TNRC18: variants seen among roughly 807,000 people sequenced by gnomAD.
The protein encoded by TNRC18 is trinucleotide repeat containing 18, also known as trinucleotide repeat-containing gene 18 protein.
TNRC18 carries 69 observed loss-of-function variants against 226.7 expected under a neutral mutation model. That is an observed-to-expected ratio of 0.30 (90% CI 0.25 to 0.37). TNRC18 has a LOEUF of 0.37. Among genes scored for constraint, TNRC18 ranks in the 10% least tolerant of loss-of-function variants. The pLI, the probability that TNRC18 is intolerant of heterozygous loss-of-function variation, is 1.00. For missense variants in TNRC18, 4,754 were observed against 4,256.6 expected (o/e 1.12, Z -3.25); for synonymous variants, 2,449 against 1,927.6 (o/e 1.27, Z -7.09).
intron 17 of TNRC18, among the ~76,000 whole-genome samples, chr7:5,347,742 G>A (rs1457382049): frequency 6.6e-6 from 1 of 151,862 alleles, no homozygotes; most frequent in African/African-American, 2.4e-5. Flanking sequence ...GGATCATGAT[G>A]TCAGGAGTTC....
chr7:5,399,110 G>GC (rs1339088943), intron 2 of TNRC18, among the ~76,000 whole-genome samples: 1 of 151,958 alleles, frequency 6.6e-6, no homozygotes, highest in African/African-American at 2.4e-5. Context: ...CCCCCACAGT[G>GC]CCCCCCTGCC....
At chr7:5,334,701 G>C (rs1175125565) in intron 18 of TNRC18, among the ~76,000 whole-genome samples, 3 of 152,168 alleles carry the variant, frequency 2.0e-5, no homozygotes, top group Non-Finnish European at 4.4e-5. Flanking sequence ...GGGTATGACA[G>C]AATGAGGTAC....
At chr7:5,352,268 A>G (rs1262982146) in intron 16 of TNRC18, among the ~76,000 whole-genome samples, 174 bp from the exon 17 acceptor site, 2 of 152,206 alleles carry the variant, frequency 1.3e-5, no homozygotes, top group African/African-American at 4.8e-5. Context: ...CTCCCCTCCC[A>G]GTCCAGGCTT....
intron 5 of TNRC18, 128 bp downstream of exon 5, chr7:5,387,544 A>C: frequency 7.5e-7 from 1 of 1,340,432 alleles, no homozygotes; most frequent in South Asian, 1.3e-5. Flanking sequence ...AACATTCAAG[A>C]CCATTTTAAA....
intron 2 of TNRC18, among the ~76,000 whole-genome samples, chr7:5,401,156 TG>T (rs1461176141): frequency 2.1e-5 from 3 of 145,816 alleles, no homozygotes; most frequent in African/African-American, 7.7e-5. Flanking sequence ...ATCTTCCCTC[TG>T]CAACAGTAGT....
Position 5,365,704 on chromosome 7 carries a change from G to A in TNRC18, c.4220-2879C>T, listed in dbSNP as rs192806396. Among the ~76,000 whole-genome samples, 357 of 151,624 alleles carry A rather than the reference G, an allele frequency of 2.4e-3. 1 individual carries two copies. The highest frequency in any genetic ancestry group is 4.1e-3 in the Non-Finnish European group (278 of 67,856). On this transcript the variant is annotated intron_variant, in intron 11 of 29. Transcript: ENST00000430969. ...CCTGGGCACAAGCAGTCCTTCTGCC[G>A]CAGCCTCCCAAAGTACTGGGATTGC...
rs369926650 is a variant in TNRC18, at chr7:5,317,905, T to C, written c.6746-1833A>G. 3.7e-3 allele frequency among the ~76,000 whole-genome samples: 559 copies of C among 152,070 alleles called. 4 individuals carry two copies. Among genetic ancestry groups the C allele is most frequent in the African/African-American group, 0.013 (520 of 41,458 alleles). On this transcript the variant is annotated intron_variant, in intron 24 of 29. Transcript: ENST00000430969. ...TTTTTTTTGAGACAGAGTCTCACTATGTTACCCAGGCTAGAGTGCAGCGGT... is the reference window on the plus strand; with the variant it reads ...TTTTTTTTGAGACAGAGTCTCACTACGTTACCCAGGCTAGAGTGCAGCGGT...
chr7:5,422,512 C>G (rs1292540598), intron 1 of TNRC18, among the ~76,000 whole-genome samples: 1 of 152,196 alleles, frequency 6.6e-6, no homozygotes, highest in African/African-American at 2.4e-5. Flanking sequence ...GGAGCCCACC[C>G]TTCCCTCGAT....
In TNRC18 at chr7:5,389,195, G is replaced by T; in HGVS notation, c.629C>A (p.Ala210Glu). The T allele has an allele frequency of 7.5e-7, 1 of 1,327,140 alleles. No homozygotes were observed. Among genetic ancestry groups the T allele is most frequent in the East Asian group, 3.5e-5 (1 of 28,618 alleles). 82.2% of individuals were successfully genotyped at this position (1,327,140 alleles called of 1,614,324 possible). A position where few individuals can be genotyped will look rare whatever the true frequency, so the allele number is the denominator to read the frequency against. Residue 210 changes from alanine to glutamate, a missense_variant, in exon 5 of 30, where the codon GCG (alanine) becomes GAG (glutamate). Coordinates refer to ENST00000430969, the MANE Select transcript of TNRC18 (RefSeq NM_001080495.3). The part of the protein sequence containing the change: ...SSRDGPAKER[A>E]GRGGEPPPLF... ...CGGAGGCGGCTCCCCGCCGCGGCCC[G>T]CCCGCTCCTTGGCTGGACCGTCCCG...
chr7:5,345,517 G>GTCCCCCCC lies in TNRC18; in HGVS notation c.5719+44_5719+45insGGGGGGGA. ...CCTGTGGGATGGGGCAATGGCGTCC[G>GTCCCCCCC]CCCCTCCCACCCACCCCCACCGCAG... On this transcript the variant is annotated intron_variant, in intron 18 of 29. Transcript: ENST00000430969. 13 of 377,744 alleles carry GTCCCCCCC rather than the reference G, an allele frequency of 3.4e-5. 1 individual carries two copies. The highest frequency in any genetic ancestry group is 1.3e-4 in the South Asian group (3 of 22,822). 23.4% of individuals were successfully genotyped at this position (377,744 alleles called of 1,614,324 possible). A position where few individuals can be genotyped will look rare whatever the true frequency, so the allele number is the denominator to read the frequency against.
intron 2 of TNRC18, among the ~76,000 whole-genome samples, chr7:5,403,627 C>CA (rs1781261861): frequency 6.6e-6 from 1 of 151,624 alleles, no homozygotes; most frequent in Admixed American, 6.6e-5. Flanking sequence ...CCCATCTATA[C>CA]AAAAAAATTA....
At chr7:5,370,330 C>A in intron 11 of TNRC18, 45 bp downstream of exon 11, 1 of 1,506,606 alleles carries the variant, frequency 6.6e-7, no homozygotes. Flanking sequence ...CACCACAAAA[C>A]TAAAACTCAC....
rs566505645 is a variant in TNRC18, at chr7:5,388,273, G to A, written c.1551C>T (p.Asn517=). The A allele has an allele frequency of 1.2e-6, 2 of 1,609,234 alleles. No individual in the cohort carries two copies. Among genetic ancestry groups the A allele is most frequent in the South Asian group, 1.1e-5 (1 of 90,734 alleles). ...EHKWKPFELG[N]FAATQMAVLA... ...GCACGGCCATCTGCGTGGCGGCGAA[G>A]TTGCCCAGCTCGAAGGGTTTCCATT... is the stretch of plus-strand genomic sequence containing the variant. Residue 517 remains asparagine, a synonymous_variant, in exon 5 of 30, where the codon AAC becomes AAT. Transcript: ENST00000430969.
At position 5,362,707 on chromosome 7, in the gene TNRC18, G is replaced by A. The variant is rs1307093429; in HGVS notation, c.4338C>T (p.Leu1446=). 1 of 1,582,776 alleles carries A rather than the reference G, an allele frequency of 6.3e-7. No individual in the cohort carries two copies. Among genetic ancestry groups the A allele is most frequent in the East Asian group, 2.3e-5 (1 of 43,274 alleles). Residue 1446 remains leucine (L), a synonymous_variant, in exon 12 of 30, where the codon CTC becomes CTT. Coordinates refer to ENST00000430969, the MANE Select transcript of TNRC18 (RefSeq NM_001080495.3). ...PVVDPLKNLR[L]PRELKPNKKY... ...TCTTGTTGGGCTTCAGCTCCCGCGG[G>A]AGCCGCAGGTTCTTGAGTGGGTCCA...
intron 21 of TNRC18, among the ~76,000 whole-genome samples, chr7:5,323,598 C>G (rs1279074223): frequency 8.5e-6 from 1 of 116,986 alleles, no homozygotes. Flanking sequence ...CAGTTTTGCT[C>G]TTTGCCCAGG....
At chr7:5,387,192 A>G (rs1279625084) in intron 5 of TNRC18, among the ~76,000 whole-genome samples, 1 of 152,258 alleles carries the variant, frequency 6.6e-6, no homozygotes, top group Non-Finnish European at 1.5e-5. Flanking sequence ...AGTACTGAGT[A>G]TCAAGACCGT....
At chr7:5,325,934 A>C (rs962395670) in intron 19 of TNRC18, among the ~76,000 whole-genome samples, 1 of 149,752 alleles carries the variant, frequency 6.7e-6, no homozygotes, top group African/African-American at 2.5e-5. Context: ...GGGTCTTGCT[A>C]TGTTGCCCAG....
intron 17 of TNRC18, among the ~76,000 whole-genome samples, chr7:5,349,308 C>T (rs1386069815): frequency 6.6e-6 from 1 of 152,204 alleles, no homozygotes; most frequent in East Asian, 1.9e-4. Context: ...CCAAGAAAAC[C>T]TTTCTGGAGT....
chr7:5,422,137 T>C (rs1295343299), intron 1 of TNRC18, among the ~76,000 whole-genome samples: 1 of 151,490 alleles, frequency 6.6e-6, no homozygotes, highest in Non-Finnish European at 1.5e-5. Flanking sequence ...GTCCCAGAGC[T>C]CGAGTCCGAG....
Sources: allele counts gnomAD v4.1 joint callset (sites outside exome capture counted in the v4.1 genomes callset), GRCh38; gene constraint gnomAD v4.1.1; transcripts MANE v1.5; gene names NCBI Gene and HGNC (gene_info 2026-07-23, HGNC 2026-07-21).